The following HPSE2 variants were observed in gnomAD, a reference collection of about 807,000 sequenced individuals.
The protein encoded by HPSE2 is heparanase 2 (inactive).
A neutral mutation model predicts 60.5 loss-of-function variants in HPSE2; 38 were observed. The ratio of observed to expected loss-of-function variants is 0.63; its 90% CI spans 0.48 to 0.82. HPSE2 has a LOEUF of 0.82. Ranked by LOEUF, HPSE2 falls within the 40% of genes least tolerant of loss-of-function variation. HPSE2 has a pLI of 0.00. For missense variants in HPSE2, 713 were observed against 740.4 expected (o/e 0.96, Z 0.43); for synonymous variants, 295 against 293.2 (o/e 1.01, Z -0.06).
chr10:99,054,805 G>A (rs1958072973), intron 3 of HPSE2, among the ~76,000 whole-genome samples: 1 of 152,072 alleles, frequency 6.6e-6, no homozygotes. Context: ...CCGCCTCTTG[G>A]GTTCAAACGA....
At chr10:98,573,708 T>C (rs573093783) in intron 9 of HPSE2, among the ~76,000 whole-genome samples, 23 of 152,304 alleles carry the variant, frequency 1.5e-4, no homozygotes, top group African/African-American at 4.3e-4. Context: ...TAAAAAAGTC[T>C]TTATCTGCAA....
chr10:99,072,210 A>G (rs1413821862), intron 3 of HPSE2, among the ~76,000 whole-genome samples: 1 of 152,188 alleles, frequency 6.6e-6, no homozygotes, highest in Non-Finnish European at 1.5e-5. Context: ...CCAAAAATCT[A>G]CGCAATACCA....
chr10:98,957,580 T>C (rs1229011496), intron 3 of HPSE2, among the ~76,000 whole-genome samples: 1 of 152,178 alleles, frequency 6.6e-6, no homozygotes, highest in Non-Finnish European at 1.5e-5. Flanking sequence ...CCATCAAACA[T>C]CCAATTTATC....
intron 4 of HPSE2, among the ~76,000 whole-genome samples, chr10:98,728,691 T>C (rs533015564): frequency 6.6e-6 from 1 of 152,182 alleles, no homozygotes; most frequent in South Asian, 2.1e-4. Context: ...TTAAGATGTA[T>C]TGTGATAAGA....
intron 3 of HPSE2, among the ~76,000 whole-genome samples, chr10:98,826,029 T>C (rs1248429120): frequency 4.6e-5 from 7 of 152,248 alleles, no homozygotes; most frequent in African/African-American, 1.7e-4. Context: ...TACTTGCAGC[T>C]GACAGCATTC....
chr10:99,035,886 GCACATTTAA>G (rs1209646244), intron 3 of HPSE2, among the ~76,000 whole-genome samples: 1 of 152,162 alleles, frequency 6.6e-6, no homozygotes, highest in Admixed American at 6.5e-5. Flanking sequence ...GCAGCAATAA[GCACATTTAA>G]CATCCAGATA....
At chr10:98,543,729 AG>A (rs1274196574) in intron 9 of HPSE2, among the ~76,000 whole-genome samples, 1 of 152,172 alleles carries the variant, frequency 6.6e-6, no homozygotes, top group Non-Finnish European at 1.5e-5. Flanking sequence ...AAAGAGACAA[AG>A]AAGGCCATTA....
At chr10:98,814,123 C>T (rs1034420978) in intron 3 of HPSE2, among the ~76,000 whole-genome samples, 1 of 151,712 alleles carries the variant, frequency 6.6e-6, no homozygotes, top group African/African-American at 2.4e-5. Flanking sequence ...TCCACTATAC[C>T]CTTATAAATG....
chr10:98,850,114 A>C (rs1952133676), intron 3 of HPSE2, among the ~76,000 whole-genome samples: 1 of 152,180 alleles, frequency 6.6e-6, no homozygotes, highest in South Asian at 2.1e-4. Flanking sequence ...GCTTATGAAA[A>C]AGGTAAATTC....
the HPSE2 span, among the ~76,000 whole-genome samples, chr10:99,307,983 T>C: frequency 1.3e-5 from 2 of 152,128 alleles, no homozygotes; most frequent in Admixed American, 6.5e-5. Flanking sequence ...AGTTATCATA[T>C]GTCCTAGCAA....
At chr10:98,891,317 T>C (rs1953328919) in intron 3 of HPSE2, among the ~76,000 whole-genome samples, 1 of 152,186 alleles carries the variant, frequency 6.6e-6, no homozygotes, top group African/African-American at 2.4e-5. Context: ...TCAAACCATA[T>C]ATTAAATAAT....
intron 2 of HPSE2, among the ~76,000 whole-genome samples, chr10:99,222,331 T>C (rs1849342139): frequency 2.0e-5 from 3 of 152,194 alleles, no homozygotes; most frequent in Admixed American, 2.0e-4. Flanking sequence ...CTTGATTTCT[T>C]CATTTTAAGT....
At position 98,991,295 on chromosome 10, in the gene HPSE2, C is replaced by T. The variant is rs184234198; in HGVS notation, c.610+152943G>A. Among the ~76,000 whole-genome samples the T allele has an allele frequency of 9.9e-4, 150 of 152,126 alleles. 1 individual carries two copies. Among genetic ancestry groups the T allele is most frequent in the African/African-American group, 3.2e-3 (134 of 41,500 alleles). On this transcript the variant is annotated intron_variant, in intron 3 of 11. Transcript: ENST00000370552. ...AGTGGGGACTGGTATTTTATTTAGA[C>T]GGCCAGGAAAAAGCCTCTCTGATAT...
chr10:98,981,297 A>G (rs190974670), intron 3 of HPSE2, among the ~76,000 whole-genome samples: 116 of 152,068 alleles, frequency 7.6e-4, no homozygotes, highest in Middle Eastern at 3.4e-3. Context: ...CTTAATTACT[A>G]CCTCCAAAGT....
chr10:99,207,190 T>TA (rs1848779585), intron 2 of HPSE2, among the ~76,000 whole-genome samples: 1 of 152,018 alleles, frequency 6.6e-6, no homozygotes, highest in South Asian at 2.1e-4. Context: ...GGAGTTATAA[T>TA]AAGGCTAGCA....
chr10:99,148,611 T>C (rs1846142960), intron 2 of HPSE2, among the ~76,000 whole-genome samples: 1 of 152,026 alleles, frequency 6.6e-6, no homozygotes, highest in Non-Finnish European at 1.5e-5. Context: ...CCCAACCTGG[T>C]GAAGCCCCGT....
the HPSE2 span, among the ~76,000 whole-genome samples, chr10:99,279,102 GA>G: frequency 0.86 from 129,838 of 151,242 alleles, 56,050 homozygotes; most frequent in African/African-American, 0.93. Flanking sequence ...TTTATCATCA[GA>G]AAAAAAAAAG....
chr10:99,006,622 G>C (rs1394197682), intron 3 of HPSE2, among the ~76,000 whole-genome samples: 1 of 152,096 alleles, frequency 6.6e-6, no homozygotes, highest in Non-Finnish European at 1.5e-5. Flanking sequence ...GTGATGTCCA[G>C]CTTGGTGGTT....
chr10:99,068,513 C>T (rs927205068), intron 3 of HPSE2, among the ~76,000 whole-genome samples: 1 of 152,280 alleles, frequency 6.6e-6, no homozygotes, highest in Admixed American at 6.5e-5. Context: ...TATTCACTAC[C>T]ATGAGAACAG....
Sources: gnomAD v4.1 joint callset for allele counts (sites outside exome capture counted in the v4.1 genomes callset) on GRCh38, gnomAD v4.1.1 for gene constraint, MANE v1.5 for transcripts, NCBI Gene and HGNC (gene_info 2026-07-23, HGNC 2026-07-21) for gene names.